Variants in BAZ2B observed in about 807,000 individuals in gnomAD.
BAZ2B encodes the protein bromodomain adjacent to zinc finger domain protein 2B.
Under a neutral mutation model 246.0 loss-of-function variants are expected in BAZ2B, and 91 were observed. The ratio of observed to expected loss-of-function variants is 0.37; its 90% confidence interval spans 0.31 to 0.44. The LOEUF (loss-of-function observed/expected upper bound fraction) is 0.44, where lower values mean the gene tolerates loss of function less well. Ranked by LOEUF, BAZ2B falls within the 20% of genes least tolerant of loss-of-function variation. BAZ2B has a pLI of 1.00. For missense variants in BAZ2B, 2,332 were observed against 2,533.7 expected (o/e 0.92, Z 1.71); for synonymous variants, 855 against 860.0 (o/e 0.99, Z 0.10).
chr2:159,644,727 T>C, the BAZ2B span, among the ~76,000 whole-genome samples: 1 of 152,178 alleles, frequency 6.6e-6, no homozygotes, highest in East Asian at 1.9e-4. Context: ...TTTCTATTCC[T>C]AGCTTCTGCT....
chr2:159,547,662 C>T (rs181011340), intron 2 of BAZ2B, among the ~76,000 whole-genome samples: 77 of 152,232 alleles, frequency 5.1e-4, no homozygotes, highest in Non-Finnish European at 7.8e-4. Context: ...AAATATTTAC[C>T]TAGTCTATAT....
the BAZ2B span, among the ~76,000 whole-genome samples, chr2:159,651,032 C>A: frequency 6.6e-6 from 1 of 151,886 alleles, no homozygotes; most frequent in Admixed American, 6.6e-5. Flanking sequence ...GATAAAAATT[C>A]CTTTTATTAA....
At chr2:159,522,587 T>C (rs1046505681) in intron 2 of BAZ2B, among the ~76,000 whole-genome samples, 2 of 152,198 alleles carry the variant, frequency 1.3e-5, no homozygotes, top group African/African-American at 4.8e-5. Flanking sequence ...ACAATTCTGT[T>C]AGAAATAAGT....
chr2:159,667,815 G>T, the BAZ2B span, among the ~76,000 whole-genome samples: 1 of 151,762 alleles, frequency 6.6e-6, no homozygotes, highest in Non-Finnish European at 1.5e-5. Flanking sequence ...CTTGAAATCT[G>T]GATAGGTTCT....
At chr2:159,445,135 G>C (rs527785812) in intron 6 of BAZ2B, among the ~76,000 whole-genome samples, 23 of 152,272 alleles carry the variant, frequency 1.5e-4, no homozygotes, top group African/African-American at 5.3e-4. Flanking sequence ...CAAAAGTGCA[G>C]AGTGATCAGA....
the BAZ2B span, among the ~76,000 whole-genome samples, chr2:159,656,756 C>T: frequency 6.6e-6 from 1 of 152,248 alleles, no homozygotes; most frequent in African/African-American, 2.4e-5. Context: ...GCATACGATG[C>T]TGAGCATCTT....
At chr2:159,436,459 C>G (rs1037475704) in intron 8 of BAZ2B, among the ~76,000 whole-genome samples, 6 of 152,042 alleles carry the variant, frequency 3.9e-5, no homozygotes, top group African/African-American at 1.4e-4. Context: ...TTTAAGATAT[C>G]CATTTGGGGC....
intron 1 of BAZ2B, among the ~76,000 whole-genome samples, chr2:159,610,422 T>G (rs1180865048): frequency 6.6e-6 from 1 of 152,188 alleles, no homozygotes; most frequent in Non-Finnish European, 1.5e-5. Flanking sequence ...GACTGCCAAT[T>G]TGATGAACCT....
chr2:159,540,432 G>A (rs2086527605), intron 2 of BAZ2B, among the ~76,000 whole-genome samples: 1 of 152,108 alleles, frequency 6.6e-6, no homozygotes. Flanking sequence ...TATATAAGTG[G>A]GTTGAAGAAT....
At chr2:159,406,358 T>C (rs2065933733) in intron 14 of BAZ2B, among the ~76,000 whole-genome samples, 2 of 152,228 alleles carry the variant, frequency 1.3e-5, no homozygotes, top group African/African-American at 4.8e-5. Context: ...CCAGCCAAGA[T>C]AAGCAAAGCT....
At chr2:159,614,268 TTTTG>T (rs1413016066) in intron 1 of BAZ2B, among the ~76,000 whole-genome samples, 1 of 149,532 alleles carries the variant, frequency 6.7e-6, no homozygotes, top group Non-Finnish European at 1.5e-5. Flanking sequence ...CAGTGCTAGT[TTTTG>T]TTTATCTGTT....
chr2:159,370,287 T>TACCCTAGG, intron 27 of BAZ2B, among the ~76,000 whole-genome samples: 1 of 151,992 alleles, frequency 6.6e-6, no homozygotes, highest in East Asian at 1.9e-4. Flanking sequence ...ATCTGCACGT[T>TACCCTAGG]GTGCACATGT....
chr2:159,671,148 C>T, the BAZ2B span, among the ~76,000 whole-genome samples: 1 of 152,142 alleles, frequency 6.6e-6, no homozygotes, highest in African/African-American at 2.4e-5. Flanking sequence ...TGCCTCATCC[C>T]TTGATTTTGT....
chr2:159,526,508 T>C (rs769943416), intron 2 of BAZ2B, among the ~76,000 whole-genome samples: 12 of 152,146 alleles, frequency 7.9e-5, no homozygotes, highest in Non-Finnish European at 1.3e-4. Context: ...TGAAATACTA[T>C]ATGGTAGTTA....
At chr2:159,328,333 A>T (rs1423025499) in intron 34 of BAZ2B, among the ~76,000 whole-genome samples, 5 of 152,134 alleles carry the variant, frequency 3.3e-5, no homozygotes, top group African/African-American at 1.2e-4. Flanking sequence ...TCTTAAGCAA[A>T]ACTTATCAGA....
chr2:159,443,677 T>G (rs911622885), intron 6 of BAZ2B, among the ~76,000 whole-genome samples: 1 of 152,168 alleles, frequency 6.6e-6, no homozygotes, highest in African/African-American at 2.4e-5. Context: ...CTCACTTGAA[T>G]AGACAATCTC....
intron 1 of BAZ2B, among the ~76,000 whole-genome samples, chr2:159,609,802 T>G (rs1432206299): frequency 8.9e-6 from 1 of 112,590 alleles, no homozygotes; most frequent in Non-Finnish European, 1.9e-5. Flanking sequence ...TGCAGGTAGA[T>G]CAATAAAAAA....
chr2:159,695,214 T>C, the BAZ2B span: 1 of 152,206 alleles, frequency 6.6e-6, no homozygotes, highest in Non-Finnish European at 1.5e-5. Flanking sequence ...TTATTTGTGT[T>C]TTTATTGTTG....
At chr2:159,356,099 T>C (rs928610019) in intron 27 of BAZ2B, among the ~76,000 whole-genome samples, 27 of 152,158 alleles carry the variant, frequency 1.8e-4, no homozygotes, top group African/African-American at 5.8e-4. Context: ...AAGAGTTTTT[T>C]TTCATACCCC....
Sources: gnomAD v4.1 joint callset for allele counts (sites outside exome capture counted in the v4.1 genomes callset) on GRCh38, gnomAD v4.1.1 for gene constraint, MANE v1.5 for transcripts, NCBI Gene and HGNC (gene_info 2026-07-23, HGNC 2026-07-21) for gene names.